BTC: variants seen among roughly 807,000 people sequenced by gnomAD.
The protein encoded by BTC is probetacellulin.
BTC carries 13 observed loss-of-function variants against 18.1 expected under a neutral mutation model. The ratio of observed to expected loss-of-function variants is 0.72; its 90% CI spans 0.47 to 1.14. BTC has a LOEUF of 1.14. BTC is among the 50% of genes most tolerant of loss of function. The pLI, the probability that BTC is intolerant of heterozygous loss-of-function variation, is 0.00. For missense variants in BTC, 247 were observed against 224.2 expected, an observed-to-expected ratio of 1.10 and a Z score of -0.65; for synonymous variants, 83 against 79.4, an observed-to-expected ratio of 1.05 and a Z score of -0.24.
chr4:74,769,949 C>A, intron 2 of BTC, 109 bp downstream of exon 2: 1 of 875,794 alleles, frequency 1.1e-6, no homozygotes, highest in Admixed American at 2.7e-5. Flanking sequence ...GCACTTAGCA[C>A]AGTGACTGGT....
intron 1 of BTC, among the ~76,000 whole-genome samples, chr4:74,785,367 G>T (rs772702651): frequency 1.3e-5 from 2 of 151,760 alleles, no homozygotes; most frequent in African/African-American, 2.4e-5. Context: ...TTTTCAAAAC[G>T]CCAGTTCCTG....
chr4:74,758,459 G>A (rs1041164875), intron 2 of BTC, among the ~76,000 whole-genome samples: 2 of 152,146 alleles, frequency 1.3e-5, no homozygotes, highest in African/African-American at 4.8e-5. Context: ...GCGAAGGGGA[G>A]GGAGGGCAAG....
chr4:74,760,141 G>T (rs1724710773), intron 2 of BTC, among the ~76,000 whole-genome samples: 1 of 152,168 alleles, frequency 6.6e-6, no homozygotes, highest in South Asian at 2.1e-4. Flanking sequence ...AACTCAAAGG[G>T]CAATCAATAC....
chr4:74,785,217 G>C (rs1000175724), intron 1 of BTC, among the ~76,000 whole-genome samples: 2 of 152,158 alleles, frequency 1.3e-5, no homozygotes, highest in African/African-American at 4.8e-5. Flanking sequence ...GTTAATAGAG[G>C]TGTTTATAGT....
Position 74,794,308 on chromosome 4 carries a change from C to G in BTC, c.18G>C (p.Arg6=), listed in dbSNP as rs1725714007. The change falls in exon 1 of 6, where the codon CGG becomes CGC. Residue 6 remains arginine, a synonymous_variant. Coordinates refer to ENST00000395743, the MANE Select transcript of BTC (RefSeq NM_001729.4). ...GTGGCAGGGAGCTGGCGCCGCTGCA[C>G]CGGGCGGCCCGGTCCATCAACCCCG... is the stretch of plus-strand genomic sequence containing the variant. The part of the protein sequence containing the change: MDRAA[R]CSGASSLPLL... 2 of 1,547,818 alleles carry G rather than the reference C, an allele frequency of 1.3e-6. No individual in the cohort carries two copies. The highest frequency in any genetic ancestry group is 2.5e-5 in the East Asian group (1 of 40,808).
chr4:74,778,960 C>T (rs1472087873), intron 1 of BTC, among the ~76,000 whole-genome samples: 1 of 152,120 alleles, frequency 6.6e-6, no homozygotes, highest in Non-Finnish European at 1.5e-5. Flanking sequence ...TAAATCACAT[C>T]ATCTGGAGAA....
chr4:74,787,602 G>A (rs1725513470), intron 1 of BTC, among the ~76,000 whole-genome samples: 1 of 152,132 alleles, frequency 6.6e-6, no homozygotes, highest in Non-Finnish European at 1.5e-5. Flanking sequence ...CAACTTATGT[G>A]TGATTCTTTG....
chr4:74,776,686 G>A (rs181342661), intron 1 of BTC, among the ~76,000 whole-genome samples: 97 of 152,236 alleles, frequency 6.4e-4, no homozygotes, highest in Non-Finnish European at 7.2e-4. Context: ...GAGGTAAGTA[G>A]TACACCAGCT....
chr4:74,759,166 C>T (rs1724682696), intron 2 of BTC, among the ~76,000 whole-genome samples: 1 of 152,152 alleles, frequency 6.6e-6, no homozygotes, highest in African/African-American at 2.4e-5. Context: ...TAATATAGGG[C>T]ACGGGAGGGG....
chr4:74,764,664 A>G (rs1414117051), intron 2 of BTC, among the ~76,000 whole-genome samples: 4 of 152,206 alleles, frequency 2.6e-5, no homozygotes, highest in African/African-American at 9.6e-5. Flanking sequence ...GGAACAAAAT[A>G]ATGTCTTTTG....
chr4:74,778,324 A>AT (rs1356913020), intron 1 of BTC, among the ~76,000 whole-genome samples: 1 of 152,152 alleles, frequency 6.6e-6, no homozygotes, highest in African/African-American at 2.4e-5. Context: ...AAACACTCTA[A>AT]AATCTGGAGT....
intron 1 of BTC, among the ~76,000 whole-genome samples, chr4:74,771,413 A>T (rs1443360665): frequency 6.6e-6 from 1 of 152,186 alleles, no homozygotes; most frequent in African/African-American, 2.4e-5. Context: ...ATGTTCTCCA[A>T]CTCAATTTGG....
chr4:74,794,388 C>G lies in BTC; in HGVS notation c.-63G>C, dbSNP rs1376983191. 1.4e-6 allele frequency: 2 copies of G among 1,449,738 alleles called. No homozygotes were observed. The highest frequency in any genetic ancestry group is 5.3e-5 in the Admixed American group (2 of 37,974). The allele number at this position is 1,449,738 out of a possible 1,614,324, so 89.8% of individuals were successfully genotyped here. On this transcript the variant is annotated 5_prime_UTR_variant, in exon 1 of 6. Coordinates refer to ENST00000395743, the MANE Select transcript of BTC (RefSeq NM_001729.4). ...GTCTCCCTCCTTCTTCGCCCCCTTCCCGGGCCTCGGGCGCCTGAGAGGGTG... is the reference window on the plus strand; with the variant it reads ...GTCTCCCTCCTTCTTCGCCCCCTTCGCGGGCCTCGGGCGCCTGAGAGGGTG...
Position 74,750,727 on chromosome 4 carries a change from A to T in BTC, c.282-8T>A. On this transcript the variant is annotated splice_region_variant and splice_polypyrimidine_tract_variant and intron_variant, in intron 3 of 5. Coordinates refer to ENST00000395743, the MANE Select transcript of BTC (RefSeq NM_001729.4). ...ATGTAGCCTTCATCACAGCTATAAA[A>T]CAAGACGAGGGCAAGGAAGTAAAAC... The T allele has an allele frequency of 6.2e-7, 1 of 1,610,316 alleles. No individual in the cohort carries two copies. Among genetic ancestry groups the T allele is most frequent in the Non-Finnish European group, 8.5e-7 (1 of 1,179,094 alleles).
chr4:74,790,519 T>C (rs1454187929), intron 1 of BTC, among the ~76,000 whole-genome samples: 7 of 152,172 alleles, frequency 4.6e-5, no homozygotes, highest in Non-Finnish European at 8.8e-5. Flanking sequence ...CCTCAAGATA[T>C]GCTCTTTTTA....
Position 74,794,249 on chromosome 4 carries a change from C to A in BTC, c.64+13G>T. On this transcript the variant is annotated intron_variant, in intron 1 of 5. Coordinates refer to ENST00000395743, the MANE Select transcript of BTC (RefSeq NM_001729.4). Reference sequence around the variant, plus strand: ...TTTCCTCCTGGTTTCCAGTGCCCAGCACGGCCACTTACCCAGGGCAAGGGC... The same window carrying A: ...TTTCCTCCTGGTTTCCAGTGCCCAGAACGGCCACTTACCCAGGGCAAGGGC... 6.5e-7 allele frequency: 1 copy of A among 1,550,208 alleles called. No individual in the cohort carries two copies. Among genetic ancestry groups the A allele is most frequent in the Non-Finnish European group, 8.7e-7 (1 of 1,146,776 alleles).
chr4:74,783,803 T>C (rs1352497535), intron 1 of BTC, among the ~76,000 whole-genome samples: 1 of 152,102 alleles, frequency 6.6e-6, no homozygotes, highest in Non-Finnish European at 1.5e-5. Flanking sequence ...GAGCAGTGGT[T>C]TGCAGTTCTC....
intron 2 of BTC, among the ~76,000 whole-genome samples, chr4:74,761,840 C>T (rs1161130169): frequency 6.6e-6 from 1 of 152,178 alleles, no homozygotes; most frequent in East Asian, 1.9e-4. Flanking sequence ...ACTTGACTAT[C>T]AAGTCTGCAT....
intron 2 of BTC, among the ~76,000 whole-genome samples, chr4:74,762,120 A>G (rs1460308722): frequency 6.6e-6 from 1 of 152,158 alleles, no homozygotes; most frequent in Non-Finnish European, 1.5e-5. Flanking sequence ...CTGTTCCTGC[A>G]CCGTATTTAT....
Sources: gnomAD v4.1 joint callset for allele counts (sites outside exome capture counted in the v4.1 genomes callset) on GRCh38, gnomAD v4.1.1 for gene constraint, MANE v1.5 for transcripts, NCBI Gene and HGNC (gene_info 2026-07-23, HGNC 2026-07-21) for gene names.